The following PLXNC1 variants were observed in gnomAD, a reference collection of about 807,000 sequenced individuals.
PLXNC1 encodes the protein plexin-C1.
A neutral mutation model predicts 178.2 loss-of-function variants in PLXNC1; 75 were observed. The observed-to-expected ratio is 0.42, with a 90% confidence interval of 0.35 to 0.51. PLXNC1 has a LOEUF of 0.51. Ranked by LOEUF, PLXNC1 falls within the 20% of genes least tolerant of loss-of-function variation. The probability of loss-of-function intolerance (pLI) is 0.02; values close to 1 mark genes in which losing one functional copy is unlikely to be tolerated. For synonymous variants in PLXNC1, 790 were observed against 779.9 expected (o/e 1.01, Z -0.22); for missense variants, 1,503 against 1,984.4 (o/e 0.76, Z 4.61).
At chr12:94,191,334 C>T (rs557887224) in intron 4 of PLXNC1, among the ~76,000 whole-genome samples, 15 of 152,278 alleles carry the variant, frequency 9.9e-5, no homozygotes, top group African/African-American at 3.6e-4. Context: ...GGTAGAGCAT[C>T]CCACTGTGTT....
intron 20 of PLXNC1, among the ~76,000 whole-genome samples, chr12:94,261,732 T>A (rs1169309954): frequency 6.6e-6 from 1 of 152,228 alleles, no homozygotes; most frequent in Non-Finnish European, 1.5e-5. Context: ...TTCCGAAATC[T>A]AATTAAACTT....
At chr12:94,213,787 T>G (rs1963561928) in intron 5 of PLXNC1, among the ~76,000 whole-genome samples, 1 of 152,188 alleles carries the variant, frequency 6.6e-6, no homozygotes, top group South Asian at 2.1e-4. Flanking sequence ...TGGTTTTAGG[T>G]CTAACATTTA....
intron 1 of PLXNC1, among the ~76,000 whole-genome samples, chr12:94,163,791 A>G (rs897437455): frequency 5.9e-5 from 9 of 152,148 alleles, no homozygotes; most frequent in African/African-American, 2.2e-4. Context: ...CCTTCAGACG[A>G]TCAGAGAGCT....
Position 94,149,536 on chromosome 12 carries a change from G to C in PLXNC1, c.565G>C (p.Glu189Gln), listed in dbSNP as rs996792410. The C allele has an allele frequency of 6.5e-7, 1 of 1,542,858 alleles. No homozygotes were observed. The highest frequency in any genetic ancestry group is 2.4e-5 in the East Asian group (1 of 41,082). The change falls in exon 1 of 31, where the codon GAG (glutamate) becomes CAG (glutamine). Residue 189 changes from glutamate (E) to glutamine (Q), a missense_variant. Glu to Gln is a conservative substitution (Grantham distance 29). This residue lies in a region of PLXNC1 where 73 missense variants were observed against 125.4 expected (regional missense o/e 0.58). Coordinates refer to ENST00000258526, the MANE Select transcript of PLXNC1 (RefSeq NM_005761.3). The part of the protein sequence containing the change: ...VAATYVLPEP[E>Q]TASRCNPAAS... Reference sequence around the variant, plus strand: ...CGCCACCTACGTGCTGCCTGAGCCGGAGACGGCGAGCCGCTGCAACCCCGC... The same window carrying C: ...CGCCACCTACGTGCTGCCTGAGCCGCAGACGGCGAGCCGCTGCAACCCCGC...
chr12:94,249,378 G>T (rs569901696), intron 14 of PLXNC1, among the ~76,000 whole-genome samples: 1 of 152,208 alleles, frequency 6.6e-6, no homozygotes, highest in South Asian at 2.1e-4. Flanking sequence ...GATTACAGGT[G>T]CGCACCACCA....
At chr12:94,151,307 C>A (rs1960953326) in intron 1 of PLXNC1, among the ~76,000 whole-genome samples, 1 of 152,040 alleles carries the variant, frequency 6.6e-6, no homozygotes, top group South Asian at 2.1e-4. Context: ...CAAATATTAG[C>A]CCTATGAGCC....
chr12:94,248,496 C>A, intron 14 of PLXNC1, 84 bp downstream of exon 14: 2 of 1,041,600 alleles, frequency 1.9e-6, no homozygotes, highest in East Asian at 4.8e-5. Context: ...AGAATGGAAT[C>A]TTTCATGGAT....
At chr12:94,227,312 G>T in intron 9 of PLXNC1, 77 bp downstream of exon 9, 1 of 816,160 alleles carries the variant, frequency 1.2e-6, no homozygotes, top group Admixed American at 2.5e-5. Context: ...ACTACTTTGG[G>T]TTCCTTAAAA....
intron 1 of PLXNC1, among the ~76,000 whole-genome samples, chr12:94,167,152 CT>C (rs2135937627): frequency 6.6e-6 from 1 of 152,298 alleles, no homozygotes; most frequent in South Asian, 2.1e-4. Flanking sequence ...TCCGTTTTAG[CT>C]TTTGAGCTGC....
Position 94,303,907 on chromosome 12 carries a change from A to G in PLXNC1, c.4527+11A>G. 1 of 1,609,370 alleles carries G rather than the reference A, an allele frequency of 6.2e-7. No homozygotes were observed. Among genetic ancestry groups the G allele is most frequent in the Non-Finnish European group, 8.5e-7 (1 of 1,178,038 alleles). ...ACTCAGGAATCTAAGGTATCATTAG[A>G]AAGCAGAAATAAGCTTATATTTGGT... On this transcript the variant is annotated intron_variant, in intron 29 of 30. Coordinates refer to ENST00000258526, the MANE Select transcript of PLXNC1 (RefSeq NM_005761.3).
Position 94,251,761 on chromosome 12 carries a change from C to T in PLXNC1, c.2881+233C>T, listed in dbSNP as rs537080372. On this transcript the variant is annotated intron_variant, in intron 15 of 30. Coordinates refer to ENST00000258526, the MANE Select transcript of PLXNC1 (RefSeq NM_005761.3). ...ATCCCAGCACTTTGGGACACTGAGG[C>T]GGGCGGATCGCCTTGAGGTCAGGAG... is the stretch of plus-strand genomic sequence containing the variant. Among the ~76,000 whole-genome samples the T allele has an allele frequency of 7.2e-5, 11 of 152,294 alleles. No individual in the cohort carries two copies. The South Asian group carries it at 1.7e-3, about 23-fold the overall frequency.
In PLXNC1 at chr12:94,305,453, C is replaced by T; in HGVS notation, c.*168C>T. The T allele has an allele frequency of 1.7e-6, 1 of 583,478 alleles. No individual in the cohort carries two copies. The highest frequency in any genetic ancestry group is 3.1e-6 in the Non-Finnish European group (1 of 326,114). 36.1% of individuals were successfully genotyped at this position (583,478 alleles called of 1,614,324 possible). On this transcript the variant is annotated 3_prime_UTR_variant, in exon 31 of 31. Coordinates refer to ENST00000258526, the MANE Select transcript of PLXNC1 (RefSeq NM_005761.3). ...CATGCACAGCTTTTAGAAAGCATAC[C>T]AACCCTTGTGCCTGTGTGTATACCG...
intron 1 of PLXNC1, among the ~76,000 whole-genome samples, chr12:94,157,210 C>T (rs971780547): frequency 2.0e-5 from 3 of 152,300 alleles, no homozygotes; most frequent in Non-Finnish European, 4.4e-5. Context: ...GAGGATCAAA[C>T]ATGCAATTGT....
chr12:94,265,847 C>T (rs1007467531), intron 21 of PLXNC1, among the ~76,000 whole-genome samples: 2 of 152,210 alleles, frequency 1.3e-5, no homozygotes, highest in East Asian at 1.9e-4. Context: ...TCATCCCCAC[C>T]GCACCCACCC....
intron 4 of PLXNC1, among the ~76,000 whole-genome samples, chr12:94,193,217 A>C (rs1962786792): frequency 6.6e-6 from 1 of 152,190 alleles, no homozygotes; most frequent in Non-Finnish European, 1.5e-5. Flanking sequence ...CAGGGCTTTA[A>C]TTAAAAGTGC....
At chr12:94,201,049 TG>T (rs146327911) in intron 4 of PLXNC1, among the ~76,000 whole-genome samples, 13,683 of 152,258 alleles carry the variant, frequency 0.09, 728 homozygotes, top group Middle Eastern at 0.17. Context: ...ATCCCAGCCA[TG>T]GGCCAAGTCC....
chr12:94,258,860 G>A (rs1447350460), intron 17 of PLXNC1, among the ~76,000 whole-genome samples: 1 of 152,214 alleles, frequency 6.6e-6, no homozygotes, highest in African/African-American at 2.4e-5. Flanking sequence ...AAGTAGTTTG[G>A]TCCAGATTCT....
At chr12:94,220,254 TC>T (rs1963757440) in intron 6 of PLXNC1, 91 bp downstream of exon 6, 45 of 1,272,254 alleles carry the variant, frequency 3.5e-5, no homozygotes, top group Non-Finnish European at 4.8e-5. Flanking sequence ...TATGAATAGT[TC>T]CCCCTCTGTA....
At position 94,244,053 on chromosome 12, in the gene PLXNC1, AGTT is replaced by A. The variant is rs545846434; in HGVS notation, c.2388+32_2388+34del. On this transcript the variant is annotated intron_variant, in intron 12 of 30. Transcript: ENST00000258526. ...AAGTCTCCAGCTGCTTTGTAATAAT[AGTT>A]GTTTTCAAGGATGGTTCTATTTTCA... The A allele has an allele frequency of 1.6e-5, 21 of 1,328,984 alleles. No homozygotes were observed. In the South Asian group the frequency reaches 2.4e-4, roughly 15 times the overall value. The allele number at this position is 1,328,984 out of a possible 1,614,324, so 82.3% of individuals were successfully genotyped here.
Sources: allele counts gnomAD v4.1 joint callset (sites outside exome capture counted in the v4.1 genomes callset), GRCh38; gene constraint gnomAD v4.1.1; regional missense constraint gnomAD v4.1.1; transcripts MANE v1.5; gene names NCBI Gene and HGNC (gene_info 2026-07-23, HGNC 2026-07-21).